Variants in MTFR1 observed in about 807,000 individuals in gnomAD.
The protein encoded by MTFR1 is chondrocyte protein with a poly-proline region.
A neutral mutation model predicts 38.8 loss-of-function variants in MTFR1; 28 were observed. That is an observed-to-expected ratio of 0.72 (90% confidence interval 0.53 to 0.99). The LOEUF is 0.99. MTFR1 is among the 50% of genes least tolerant of loss of function. The probability of loss-of-function intolerance (pLI) is 0.00; values close to 1 mark genes in which losing one functional copy is unlikely to be tolerated. For synonymous variants in MTFR1, 145 were observed against 137.0 expected (o/e 1.06, Z -0.41); for missense variants, 358 against 395.5 (o/e 0.91, Z 0.81).
chr8:65,740,368 A>G (rs1807360629), intron 3 of MTFR1, among the ~76,000 whole-genome samples: 1 of 152,026 alleles, frequency 6.6e-6, no homozygotes, highest in Non-Finnish European at 1.5e-5. Flanking sequence ...CCACAGCCTC[A>G]TATGTCACAG....
At position 65,727,510 on chromosome 8, in the gene MTFR1, T is replaced by A. The variant is rs1585830981; in HGVS notation, c.*48+8029T>A. On this transcript the variant is annotated intron_variant, in intron 3 of 3. Coordinates refer to the MTFR1 transcript ENST00000521247. The stretch of plus-strand genomic sequence containing the variant: ...CACTGGCAAAGCCATGATACAACAG[T>A]GGCCCTGCCCATGTGGAGTTTACAG... 3 of 515,306 alleles carry A rather than the reference T, an allele frequency of 5.8e-6. No homozygotes were observed. In the East Asian group the frequency reaches 9.7e-5, roughly 17 times the overall value. 31.9% of individuals were successfully genotyped at this position (515,306 alleles called of 1,614,324 possible). A position where few individuals can be genotyped will look rare whatever the true frequency, so the allele number is the denominator to read the frequency against.
At chr8:65,736,651 T>C (rs1807140185) in intron 3 of MTFR1, among the ~76,000 whole-genome samples, 1 of 151,712 alleles carries the variant, frequency 6.6e-6, no homozygotes, top group Admixed American at 6.6e-5. Flanking sequence ...CTCGGGAGGC[T>C]GAGGTGGGAG....
intron 3 of MTFR1, among the ~76,000 whole-genome samples, chr8:65,687,114 C>G (rs12542929): frequency 0.99 from 151,189 of 152,250 alleles, 75,071 homozygotes; most frequent in Middle Eastern, 1. Context: ...AAGTGTGTTA[C>G]GTATAGAAAC....
At chr8:65,739,380 A>C (rs1355827055) in intron 3 of MTFR1, 6 of 1,124,154 alleles carry the variant, frequency 5.3e-6, no homozygotes, top group Non-Finnish European at 7.1e-6. Flanking sequence ...TGTTGTTTTA[A>C]GCCACTAATT....
chr8:65,689,404 A>T (rs1442630193), intron 3 of MTFR1, among the ~76,000 whole-genome samples: 3 of 152,186 alleles, frequency 2.0e-5, no homozygotes, highest in Admixed American at 2.0e-4. Flanking sequence ...TTGGTATATT[A>T]TCAGAATATT....
chr8:65,730,595 T>C (rs1049942357), intron 3 of MTFR1, among the ~76,000 whole-genome samples: 2 of 152,140 alleles, frequency 1.3e-5, no homozygotes, highest in East Asian at 1.9e-4. Context: ...TGGTCCCTGA[T>C]GCCAAAAAGG....
intron 4 of MTFR1, among the ~76,000 whole-genome samples, chr8:65,704,273 T>TA (rs1447771431): frequency 3.3e-5 from 5 of 152,052 alleles, no homozygotes; most frequent in African/African-American, 4.8e-5. Context: ...TTATTTTCAG[T>TA]AAAAAAAGCA....
chr8:65,773,355 G>C (rs571191881), downstream of MTFR1, among the ~76,000 whole-genome samples: 1 of 152,182 alleles, frequency 6.6e-6, no homozygotes, highest in Non-Finnish European at 1.5e-5. Context: ...ATAGGACCAA[G>C]TCTATAGCAA....
At chr8:65,676,116 C>T (rs1804700763) in intron 2 of MTFR1, among the ~76,000 whole-genome samples, 1 of 152,160 alleles carries the variant, frequency 6.6e-6, no homozygotes, top group South Asian at 2.1e-4. Context: ...AAAATTGTTA[C>T]AGAATTTCAT....
intron 1 of MTFR1, among the ~76,000 whole-genome samples, chr8:65,666,319 T>C (rs553037404): frequency 2.0e-5 from 3 of 152,184 alleles, no homozygotes; most frequent in South Asian, 4.1e-4. Context: ...GGCACGAGAA[T>C]CACTTGAACC....
chr8:65,665,853 T>G (rs1405484105), intron 1 of MTFR1, among the ~76,000 whole-genome samples: 1 of 152,236 alleles, frequency 6.6e-6, no homozygotes, highest in Non-Finnish European at 1.5e-5. Context: ...TCTATTCTTT[T>G]CCATTCCTGT....
intron 3 of MTFR1, among the ~76,000 whole-genome samples, chr8:65,728,852 T>C (rs997991539): frequency 2.6e-5 from 4 of 152,170 alleles, no homozygotes; most frequent in Admixed American, 2.6e-4. Flanking sequence ...CATCAAAACA[T>C]TCTCAGGTAT....
intron 3 of MTFR1, among the ~76,000 whole-genome samples, chr8:65,737,217 A>G (rs1807177554): frequency 6.6e-6 from 1 of 152,122 alleles, no homozygotes; most frequent in Admixed American, 6.5e-5. Context: ...TAATCCATTG[A>G]AGCCAATGGA....
In MTFR1 at chr8:65,682,360, G is replaced by GAAA; in HGVS notation, c.74_75insAAA (p.Trp25delinsTer). The GAAA allele has an allele frequency of 6.4e-7, 1 of 1,553,676 alleles. No individual in the cohort carries two copies. The highest frequency in any genetic ancestry group is 1.2e-5 in the South Asian group (1 of 80,712). On this transcript the variant is annotated stop_gained, in exon 3 of 8. Transcript: ENST00000262146. LOFTEE classifies it high-confidence loss of function. ...TTTTTCCTACTTCCTCAGGTACTTTGGTCTAGGAAGCCATATGGTTCGTCT... is the reference window on the plus strand; with the variant it reads ...TTTTTCCTACTTCCTCAGGTACTTTGAAAGTCTAGGAAGCCATATGGTTCGTCT...
At chr8:65,730,007 T>C (rs1317535267) in intron 3 of MTFR1, among the ~76,000 whole-genome samples, 1 of 151,490 alleles carries the variant, frequency 6.6e-6, no homozygotes. Context: ...CCGGTACTGG[T>C]CCATGGCCTG....
At chr8:65,705,332 CA>C (rs1360110421) in intron 5 of MTFR1, among the ~76,000 whole-genome samples, 1 of 151,976 alleles carries the variant, frequency 6.6e-6, no homozygotes, top group African/African-American at 2.4e-5. Flanking sequence ...CAAAACTAAA[CA>C]AAAAACAAAC....
chr8:65,690,216 T>C (rs981355058), intron 3 of MTFR1, among the ~76,000 whole-genome samples: 4 of 152,252 alleles, frequency 2.6e-5, no homozygotes, highest in Non-Finnish European at 5.9e-5. Context: ...AGTTAACTTA[T>C]ATTTCTTTGA....
downstream of MTFR1, among the ~76,000 whole-genome samples, chr8:65,772,719 A>G (rs1370662029): frequency 6.6e-6 from 1 of 152,194 alleles, no homozygotes; most frequent in African/African-American, 2.4e-5. Flanking sequence ...CTAGGGTTAA[A>G]CTGGCCAGGT....
At chr8:65,690,688 T>G (rs1458645106) in intron 3 of MTFR1, among the ~76,000 whole-genome samples, 1 of 152,232 alleles carries the variant, frequency 6.6e-6, no homozygotes, top group African/African-American at 2.4e-5. Context: ...TAAATATGCC[T>G]AACTTTCTAC....
Sources: gnomAD v4.1 joint callset for allele counts (sites outside exome capture counted in the v4.1 genomes callset) on GRCh38, gnomAD v4.1.1 for gene constraint, MANE v1.5 for transcripts, NCBI Gene and HGNC (gene_info 2026-07-23, HGNC 2026-07-21) for gene names.